Variants in MAML3 observed in about 807,000 individuals in gnomAD.
MAML3 encodes mastermind like transcriptional coactivator 3.
A neutral mutation model predicts 101.9 loss-of-function variants in MAML3; 27 were observed. That is an observed-to-expected ratio of 0.27 (90% CI 0.20 to 0.37). The LOEUF (loss-of-function observed/expected upper bound fraction) is 0.37. Ranked by LOEUF, MAML3 falls within the 10% of genes least tolerant of loss-of-function variation. The pLI, the probability that MAML3 is intolerant of heterozygous loss-of-function variation, is 1.00. For missense variants in MAML3, 1,316 were observed against 1,444.9 expected (o/e 0.91, Z 1.45); for synonymous variants, 501 against 555.9 (o/e 0.90, Z 1.39).
chr4:139,903,932 T>G (rs1732772288), intron 1 of MAML3, among the ~76,000 whole-genome samples: 1 of 152,198 alleles, frequency 6.6e-6, no homozygotes, highest in Non-Finnish European at 1.5e-5. Context: ...AAGGGAACAC[T>G]GTGTCCTCCC....
At chr4:139,793,623 T>C (rs959396252) in intron 2 of MAML3, among the ~76,000 whole-genome samples, 2 of 152,232 alleles carry the variant, frequency 1.3e-5, no homozygotes, top group South Asian at 2.1e-4. Flanking sequence ...CAAGCCTGGC[T>C]CTGCATTGTT....
intron 2 of MAML3, among the ~76,000 whole-genome samples, chr4:139,881,889 C>T (rs752100476): frequency 3.3e-5 from 5 of 152,018 alleles, no homozygotes; most frequent in African/African-American, 7.2e-5. Context: ...TTAGTAGAGA[C>T]GGGGTTTCAC....
intron 1 of MAML3, among the ~76,000 whole-genome samples, chr4:140,051,977 C>T (rs1364839175): frequency 6.6e-6 from 1 of 152,138 alleles, no homozygotes; most frequent in Non-Finnish European, 1.5e-5. Context: ...ATACCTCACC[C>T]CTGTGTGTTA....
chr4:139,890,262 T>G lies in MAML3; in HGVS notation c.1174A>C (p.Thr392Pro). 1 of 1,613,746 alleles carries G rather than the reference T, an allele frequency of 6.2e-7. No individual in the cohort carries two copies. The highest frequency in any genetic ancestry group is 1.7e-5 in the Admixed American group (1 of 60,004). ...GTGCTGGCAACAGAAGGTAAACTAG[T>G]GGCCGTGGAGACAGTAGAAAAGGGA... ...GPPFSTVSTATSLPSVASTPA... is the reference protein window; with the variant it reads ...GPPFSTVSTAPSLPSVASTPA... The change falls in exon 2 of 5, where the codon ACT becomes CCT. Residue 392 changes from threonine (T) to proline (P), a missense_variant. Coordinates refer to ENST00000509479, the MANE Select transcript of MAML3 (RefSeq NM_018717.5). The surrounding 1 kb of genome is among the most constrained non-coding windows in gnomAD (Gnocchi z 4.1).
At chr4:140,081,712 T>C (rs945659391) in intron 1 of MAML3, among the ~76,000 whole-genome samples, 1 of 152,102 alleles carries the variant, frequency 6.6e-6, no homozygotes, top group Non-Finnish European at 1.5e-5. Context: ...GCTGGGGTCA[T>C]CTAATGGGGA....
chr4:140,069,471 A>G (rs1727601763), intron 1 of MAML3, among the ~76,000 whole-genome samples: 3 of 116,204 alleles, frequency 2.6e-5, no homozygotes, highest in Non-Finnish European at 3.6e-5. Context: ...GGAGAAGGAG[A>G]AAGGAAGAAG....
intron 2 of MAML3, among the ~76,000 whole-genome samples, chr4:139,884,556 C>T (rs1162083941): frequency 6.6e-6 from 1 of 152,174 alleles, no homozygotes; most frequent in African/African-American, 2.4e-5. Flanking sequence ...GGCCTGTGAC[C>T]GTCCTTGACC....
At chr4:139,748,758 T>C (rs1407702222) in intron 2 of MAML3, among the ~76,000 whole-genome samples, 1 of 99,424 alleles carries the variant, frequency 1.0e-5, no homozygotes, top group Non-Finnish European at 2.0e-5. Flanking sequence ...AGTTGAGCAA[T>C]TTCAAGCTCC....
intron 2 of MAML3, among the ~76,000 whole-genome samples, chr4:139,839,858 G>A (rs1378873819): frequency 1.3e-5 from 2 of 152,110 alleles, no homozygotes; most frequent in Non-Finnish European, 2.9e-5. Flanking sequence ...GGAGGCGAGG[G>A]GAAGCAGCTG....
intron 1 of MAML3, among the ~76,000 whole-genome samples, chr4:139,905,048 C>A (rs1732795595): frequency 6.6e-6 from 1 of 152,116 alleles, no homozygotes; most frequent in Non-Finnish European, 1.5e-5. Flanking sequence ...GAGTGTAGGG[C>A]AGAAGTGTGG....
intron 2 of MAML3, among the ~76,000 whole-genome samples, chr4:139,844,764 A>G (rs1269508057): frequency 6.6e-6 from 1 of 152,206 alleles, no homozygotes; most frequent in East Asian, 1.9e-4. Context: ...CTGTTCATCA[A>G]TAGTGGGATG....
chr4:139,769,502 A>G (rs770259575), intron 2 of MAML3, among the ~76,000 whole-genome samples: 4 of 152,204 alleles, frequency 2.6e-5, no homozygotes, highest in Non-Finnish European at 4.4e-5. Flanking sequence ...GGTATATCTT[A>G]CAGGAGACTG....
intron 1 of MAML3, among the ~76,000 whole-genome samples, chr4:140,027,038 C>A (rs1166823278): frequency 2.8e-5 from 4 of 144,800 alleles, no homozygotes; most frequent in African/African-American, 2.6e-5. Context: ...TACCTTAACA[C>A]AAGAAAGAAA....
chr4:139,958,849 G>A (rs1459607273), intron 1 of MAML3, among the ~76,000 whole-genome samples: 2 of 152,136 alleles, frequency 1.3e-5, no homozygotes, highest in African/African-American at 4.8e-5. Context: ...TCACACATAG[G>A]ACAATGATAC....
intron 1 of MAML3, among the ~76,000 whole-genome samples, chr4:140,108,017 C>A (rs1191947660): frequency 6.6e-6 from 1 of 151,878 alleles, no homozygotes; most frequent in Non-Finnish European, 1.5e-5. Context: ...AGGAAATAAC[C>A]ACAACCATCA....
intron 2 of MAML3, among the ~76,000 whole-genome samples, chr4:139,795,304 G>A (rs1302588534): frequency 6.6e-6 from 1 of 152,218 alleles, no homozygotes; most frequent in Non-Finnish European, 1.5e-5. Flanking sequence ...CCCTTAAAGT[G>A]TAGACTTCTG....
intron 1 of MAML3, among the ~76,000 whole-genome samples, chr4:139,960,505 A>T (rs1733992307): frequency 6.6e-6 from 1 of 152,182 alleles, no homozygotes; most frequent in Admixed American, 6.5e-5. Flanking sequence ...AGCCCAACCT[A>T]TGGAGACACG....
In MAML3 at chr4:140,090,710, G is replaced by A. The variant is rs143156730; in HGVS notation, c.468+62150C>T. Among the ~76,000 whole-genome samples, 46 of 152,324 alleles carry A rather than the reference G, an allele frequency of 3.0e-4. No homozygotes were observed. In the East Asian group the frequency reaches 7.9e-3, roughly 26 times the overall value. ...ACTTATTCATCTTCGTGGAGAGTCT[G>A]TGGCTACTACTACATGCTTCCACAA... is the stretch of plus-strand genomic sequence containing the variant. On this transcript the variant is annotated intron_variant, in intron 1 of 4. Transcript: ENST00000509479.
intron 2 of MAML3, among the ~76,000 whole-genome samples, chr4:139,780,363 G>T (rs7675948): frequency 0.2 from 29,988 of 152,076 alleles, 3,140 homozygotes; most frequent in Non-Finnish European, 0.22. Context: ...AATTCTCTGG[G>T]TGCCATGCAT....
Sources: allele counts gnomAD v4.1 joint callset (sites outside exome capture counted in the v4.1 genomes callset), GRCh38; gene constraint gnomAD v4.1.1; non-coding constraint Gnocchi (gnomAD v3.1); transcripts MANE v1.5; gene names NCBI Gene and HGNC (gene_info 2026-07-23, HGNC 2026-07-21).